The following TMEM260 variants were observed in gnomAD, a reference collection of about 807,000 sequenced individuals.
The protein encoded by TMEM260 is protein O-mannosyl-transferase TMEM260.
A neutral mutation model predicts 88.9 loss-of-function variants in TMEM260; 82 were observed. That is an observed-to-expected ratio of 0.92 (90% confidence interval 0.77 to 1.11). The LOEUF (loss-of-function observed/expected upper bound fraction) is 1.11, where lower values mean the gene tolerates loss of function less well. TMEM260 is among the 50% of genes least tolerant of loss of function. TMEM260 has a pLI of 0.00. For synonymous variants in TMEM260, 314 were observed against 309.3 expected (o/e 1.02, Z -0.16); for missense variants, 902 against 853.4 (o/e 1.06, Z -0.71).
At chr14:56,632,855 GTAGT>G in intron 12 of TMEM260, 136 bp from the exon 13 acceptor site, 1 of 680,778 alleles carries the variant, frequency 1.5e-6, no homozygotes, top group Non-Finnish European at 2.4e-6. Context: ...CTAAACACAG[GTAGT>G]TAAGTAATTT....
chr14:56,583,837 A>G (rs1885296811), intron 1 of TMEM260, among the ~76,000 whole-genome samples: 1 of 152,194 alleles, frequency 6.6e-6, no homozygotes, highest in Non-Finnish European at 1.5e-5. Context: ...ATAAGATTTG[A>G]CTGGAGGGAA....
At chr14:56,631,811 C>T (rs981706717) in intron 12 of TMEM260, among the ~76,000 whole-genome samples, 1 of 152,162 alleles carries the variant, frequency 6.6e-6, no homozygotes, top group East Asian at 1.9e-4. Flanking sequence ...AGCTGCTGAT[C>T]ACCAGTTTCA....
At chr14:56,634,150 T>C (rs1594881809) in intron 13 of TMEM260, among the ~76,000 whole-genome samples, 1 of 152,358 alleles carries the variant, frequency 6.6e-6, no homozygotes, top group East Asian at 1.9e-4. Flanking sequence ...GGCTTGGCCA[T>C]TGTTCTTTGA....
At chr14:56,615,374 G>A (rs1284339263) in intron 7 of TMEM260, 2 of 151,776 alleles carry the variant, frequency 1.3e-5, no homozygotes, top group Non-Finnish European at 2.9e-5. Flanking sequence ...TTATTTGTAG[G>A]AAAAAAACAT....
intron 12 of TMEM260, among the ~76,000 whole-genome samples, chr14:56,630,941 T>C (rs1192664649): frequency 2.0e-5 from 3 of 152,140 alleles, no homozygotes; most frequent in African/African-American, 7.2e-5. Flanking sequence ...GCTATTTGGA[T>C]TAATCCCATG....
intron 3 of TMEM260, among the ~76,000 whole-genome samples, chr14:56,602,364 T>C (rs1164886359): frequency 1.3e-5 from 2 of 152,144 alleles, no homozygotes; most frequent in African/African-American, 2.4e-5. Context: ...TTGATGAGCC[T>C]GACTAATTGG....
chr14:56,630,971 C>T (rs989518659), intron 12 of TMEM260, among the ~76,000 whole-genome samples: 28 of 152,054 alleles, frequency 1.8e-4, no homozygotes, highest in African/African-American at 6.5e-4. Context: ...CTGTTACTGG[C>T]GGCGAGTGTG....
chr14:56,611,729 A>G (rs1165048924), intron 6 of TMEM260, among the ~76,000 whole-genome samples: 1 of 152,216 alleles, frequency 6.6e-6, no homozygotes, highest in Non-Finnish European at 1.5e-5. Context: ...CTCTAAAGAT[A>G]CATACACACG....
chr14:56,585,756 C>G lies in TMEM260; in HGVS notation c.193-5C>G. The G allele has an allele frequency of 6.2e-7, 1 of 1,609,584 alleles. No homozygotes were observed. The highest frequency in any genetic ancestry group is 1.3e-5 in the African/African-American group (1 of 74,636). Reference sequence around the variant, plus strand: ...ACCTTCTAACTGTTGCTAATTTTTCCGTAGGTTGCCCATCCTCCTGGCTAT... The same window carrying G: ...ACCTTCTAACTGTTGCTAATTTTTCGGTAGGTTGCCCATCCTCCTGGCTAT... On this transcript the variant is annotated splice_polypyrimidine_tract_variant and splice_region_variant and intron_variant, in intron 2 of 15. Coordinates refer to ENST00000261556, the MANE Select transcript of TMEM260 (RefSeq NM_017799.4).
Position 56,582,906 on chromosome 14 carries a change from GA to G in TMEM260, c.161-2093del, listed in dbSNP as rs564585636. On this transcript the variant is annotated intron_variant, in intron 1 of 15. Coordinates refer to ENST00000261556, the MANE Select transcript of TMEM260 (RefSeq NM_017799.4). ...TCGATTTTAGTTTAACATTTGATAAGAATTGATGAAAGTTTGTCACATTCCA... is the reference window on the plus strand; with the variant it reads ...TCGATTTTAGTTTAACATTTGATAAGATTGATGAAAGTTTGTCACATTCCA... Among the ~76,000 whole-genome samples the G allele has an allele frequency of 9.3e-5, 14 of 150,142 alleles. No individual in the cohort carries two copies. In the East Asian group the frequency reaches 2.8e-3, roughly 30 times the overall value.
At chr14:56,625,326 G>T (rs190074722) in intron 11 of TMEM260, 56 bp from the exon 12 acceptor site, 3 of 1,575,222 alleles carry the variant, frequency 1.9e-6, no homozygotes, top group African/African-American at 1.4e-5. Context: ...TGATAAACTT[G>T]ATTCTTTCTA....
intron 5 of TMEM260, among the ~76,000 whole-genome samples, chr14:56,608,595 T>G (rs1388557615): frequency 6.6e-6 from 1 of 152,176 alleles, no homozygotes; most frequent in Non-Finnish European, 1.5e-5. Flanking sequence ...AAAAGCTAGT[T>G]TCATTTATGC....
At chr14:56,579,647 G>C (rs1314205256), upstream of TMEM260, 1 of 374,706 alleles carries the variant, frequency 2.7e-6, no homozygotes, top group African/African-American at 2.1e-5. Flanking sequence ...CTCTCCTGGT[G>C]ATTAGGAACC....
chr14:56,634,839 T>C, intron 13 of TMEM260, 60 bp from the exon 14 acceptor site: 2 of 1,441,146 alleles, frequency 1.4e-6, no homozygotes, highest in Admixed American at 3.5e-5. Context: ...CAAAATTCTG[T>C]CTCAAAAAAA....
At chr14:56,644,567 A>C (rs1361883806) in intron 15 of TMEM260, among the ~76,000 whole-genome samples, 1 of 152,228 alleles carries the variant, frequency 6.6e-6, no homozygotes, top group East Asian at 1.9e-4. Context: ...AAACCTAGGC[A>C]GTACCATTCA....
At chr14:56,646,133 A>G (rs1355428495) in intron 15 of TMEM260, among the ~76,000 whole-genome samples, 1 of 152,164 alleles carries the variant, frequency 6.6e-6, no homozygotes. Flanking sequence ...CTAAGGGGAA[A>G]TTTGCTTTAA....
intron 12 of TMEM260, among the ~76,000 whole-genome samples, chr14:56,631,858 C>T (rs1042249757): frequency 1.3e-5 from 2 of 152,152 alleles, no homozygotes; most frequent in African/African-American, 4.8e-5. Flanking sequence ...CTGCCTTTTC[C>T]TGGTGCTGTC....
chr14:56,625,850 C>G (rs1322242615), intron 12 of TMEM260, among the ~76,000 whole-genome samples: 1 of 152,130 alleles, frequency 6.6e-6, no homozygotes, highest in Admixed American at 6.5e-5. Flanking sequence ...TTATAGTTCC[C>G]CTGATCAACA....
intron 11 of TMEM260, among the ~76,000 whole-genome samples, chr14:56,622,926 C>G (rs992168948): frequency 6.6e-6 from 1 of 152,116 alleles, no homozygotes; most frequent in Middle Eastern, 3.2e-3. Flanking sequence ...AGTCTAGATT[C>G]TGACAAAAGC....
Sources: gnomAD v4.1 joint callset for allele counts (sites outside exome capture counted in the v4.1 genomes callset) on GRCh38, gnomAD v4.1.1 for gene constraint, MANE v1.5 for transcripts, NCBI Gene and HGNC (gene_info 2026-07-23, HGNC 2026-07-21) for gene names.